ATG7: variants seen among roughly 807,000 people sequenced by gnomAD.
The protein encoded by ATG7 is autophagy related 7, also known as ubiquitin-like modifier-activating enzyme ATG7.
In ATG7, 70 loss-of-function variants were observed where a neutral mutation model predicts 82.4. The ratio of observed to expected loss-of-function variants is 0.85; its 90% CI spans 0.70 to 1.04. The LOEUF (loss-of-function observed/expected upper bound fraction) is 1.04, where lower values mean the gene tolerates loss of function less well. Among genes scored for constraint, ATG7 ranks in the 50% least tolerant of loss-of-function variants. The pLI, the probability that ATG7 is intolerant of heterozygous loss-of-function variation, is 0.00. For synonymous variants in ATG7, 287 were observed against 313.0 expected, an observed-to-expected ratio of 0.92 and a Z score of 0.88; for missense variants, 792 against 864.3, an observed-to-expected ratio of 0.92 and a Z score of 1.05.
intron 20 of ATG7, among the ~76,000 whole-genome samples, chr3:11,528,063 T>C (rs1366104639): frequency 2.6e-5 from 4 of 152,228 alleles, no homozygotes. Flanking sequence ...GCTTCAATTG[T>C]GGGCCTTCTG....
intron 20 of ATG7, among the ~76,000 whole-genome samples, chr3:11,452,043 A>G (rs2085241964): frequency 6.6e-6 from 1 of 152,036 alleles, no homozygotes; most frequent in African/African-American, 2.4e-5. Context: ...TGGGAGGGAA[A>G]TAGGGAGAGA....
intron 19 of ATG7, among the ~76,000 whole-genome samples, chr3:11,406,399 A>C (rs7617657): frequency 0.87 from 132,252 of 152,048 alleles, 57,841 homozygotes; most frequent in East Asian, 1. Flanking sequence ...CAATTCCTGG[A>C]TTAAGTGATT....
chr3:11,290,964 G>T (rs1057199721), intron 3 of ATG7, among the ~76,000 whole-genome samples: 1 of 152,148 alleles, frequency 6.6e-6, no homozygotes, highest in African/African-American at 2.4e-5. Flanking sequence ...TTACAGGCGT[G>T]AGTCACTTCA....
chr3:11,380,815 C>T (rs2077839128), intron 19 of ATG7, among the ~76,000 whole-genome samples: 1 of 152,094 alleles, frequency 6.6e-6, no homozygotes, highest in African/African-American at 2.4e-5. Context: ...ACCACTAATC[C>T]CCAACTGTGG....
At chr3:11,532,968 C>T (rs934855819) in intron 20 of ATG7, among the ~76,000 whole-genome samples, 5 of 152,196 alleles carry the variant, frequency 3.3e-5, no homozygotes, top group Admixed American at 1.3e-4. Flanking sequence ...ACATGAACAC[C>T]GTGCCCCAGG....
chr3:11,280,547 G>A (rs1575121139), intron 1 of ATG7, among the ~76,000 whole-genome samples: 1 of 152,154 alleles, frequency 6.6e-6, no homozygotes, highest in African/African-American at 2.4e-5. Flanking sequence ...CTTGAACTTA[G>A]ATTTAGGGCC....
At position 11,372,827 on chromosome 3, in the gene ATG7, CGTGTGT is replaced by C. The variant is rs56253429; in HGVS notation, c.1876-7141_1876-7136del. Among the ~76,000 whole-genome samples, 45 of 127,566 alleles carry C rather than the reference CGTGTGT, an allele frequency of 3.5e-4. 2 individuals carry two copies. The highest frequency in any genetic ancestry group is 1.5e-3 in the East Asian group (7 of 4,734). The allele number at this position is 127,566 out of a possible 152,430, so 83.7% of individuals were successfully genotyped here. On this transcript the variant is annotated intron_variant, in intron 18 of 20. Coordinates refer to ENST00000693202, the MANE Select transcript of ATG7 (RefSeq NM_001349232.2). ...GTGTGTGTGTGTGTGCGCGCGTGTG[CGTGTGT>C]GTGCGTGCGTGCGTGTGCGTGTGTG...
intron 20 of ATG7, among the ~76,000 whole-genome samples, chr3:11,459,251 G>A (rs935883645): frequency 1.3e-5 from 2 of 151,030 alleles, no homozygotes; most frequent in African/African-American, 2.4e-5. Context: ...TAATATCTCT[G>A]CAGAATGCTA....
intron 19 of ATG7, among the ~76,000 whole-genome samples, chr3:11,402,398 A>C (rs1255702747): frequency 1.3e-5 from 2 of 152,202 alleles, no homozygotes; most frequent in African/African-American, 2.4e-5. Flanking sequence ...GTGCCATTGC[A>C]CTCCAGCCTG....
the ATG7 span, among the ~76,000 whole-genome samples, chr3:11,573,252 A>C: frequency 0.53 from 19,002 of 35,652 alleles, 3,553 homozygotes; most frequent in South Asian, 0.62. Context: ...ATAGAGAAAG[A>C]AAGAAAGAAA....
At chr3:11,372,982 A>C (rs2077140024) in intron 18 of ATG7, among the ~76,000 whole-genome samples, 1 of 151,340 alleles carries the variant, frequency 6.6e-6, no homozygotes, top group Admixed American at 6.6e-5. Flanking sequence ...AGGAAAATGG[A>C]AGTAAATATG....
At chr3:11,409,312 T>A (rs2080665770) in intron 19 of ATG7, among the ~76,000 whole-genome samples, 1 of 152,214 alleles carries the variant, frequency 6.6e-6, no homozygotes, top group Admixed American at 6.5e-5. Flanking sequence ...AGTATGATAT[T>A]CTCTTGAGAT....
At chr3:11,405,112 A>ACAGTTGCCT (rs2080205364) in intron 19 of ATG7, among the ~76,000 whole-genome samples, 1 of 152,200 alleles carries the variant, frequency 6.6e-6, no homozygotes, top group African/African-American at 2.4e-5. Context: ...ATGATGTTAA[A>ACAGTTGCCT]CAGTTGCCTC....
chr3:11,554,857 T>C lies in ATG7; in HGVS notation c.*14T>C, dbSNP rs756988440. Reference sequence around the variant, plus strand: ...GAGACCATCTGAGATGGCCCCGCTGTGGGGCTGACTTCTCCCCGGCCGCCT... The same window carrying C: ...GAGACCATCTGAGATGGCCCCGCTGCGGGGCTGACTTCTCCCCGGCCGCCT... On this transcript the variant is annotated 3_prime_UTR_variant, in exon 21 of 21. Coordinates refer to ENST00000693202, the MANE Select transcript of ATG7 (RefSeq NM_001349232.2). 2 of 1,612,116 alleles carry C rather than the reference T, an allele frequency of 1.2e-6. No individual in the cohort carries two copies. The highest frequency in any genetic ancestry group is 2.7e-5 in the African/African-American group (2 of 74,914).
At chr3:11,275,165 G>A (rs937211624) in intron 1 of ATG7, among the ~76,000 whole-genome samples, 1 of 152,124 alleles carries the variant, frequency 6.6e-6, no homozygotes, top group Non-Finnish European at 1.5e-5. Context: ...CAAGAATCAG[G>A]ATCCTGATGA....
At chr3:11,572,539 C>G in the ATG7 span, among the ~76,000 whole-genome samples, 12 of 152,318 alleles carry the variant, frequency 7.9e-5, no homozygotes, top group South Asian at 2.5e-3. Flanking sequence ...CAGTCCCATT[C>G]CCCTCTCTTC....
At chr3:11,540,417 T>A (rs534938252) in intron 20 of ATG7, among the ~76,000 whole-genome samples, 2 of 152,286 alleles carry the variant, frequency 1.3e-5, no homozygotes, top group East Asian at 3.9e-4. Flanking sequence ...GGTTGTTATA[T>A]CTTATTGAAC....
At chr3:11,550,454 T>A (rs532276428) in intron 20 of ATG7, among the ~76,000 whole-genome samples, 15 of 152,230 alleles carry the variant, frequency 9.9e-5, no homozygotes, top group Non-Finnish European at 1.6e-4. Flanking sequence ...CAGGCTGGAG[T>A]GCAGTGGTGC....
At chr3:11,395,879 G>T (rs12053822) in intron 19 of ATG7, among the ~76,000 whole-genome samples, 10 of 142,142 alleles carry the variant, frequency 7.0e-5, no homozygotes, top group African/African-American at 2.6e-4. Flanking sequence ...GGCGGAGCTC[G>T]CAGTGAGCGG....
Sources: allele counts gnomAD v4.1 joint callset (sites outside exome capture counted in the v4.1 genomes callset), GRCh38; gene constraint gnomAD v4.1.1; transcripts MANE v1.5; gene names NCBI Gene and HGNC (gene_info 2026-07-23, HGNC 2026-07-21).